The following CNTN4 variants were observed in gnomAD, a reference collection of about 807,000 sequenced individuals.
CNTN4 encodes contactin 4.
In CNTN4, 77 loss-of-function variants were observed where a neutral mutation model predicts 122.5. The observed-to-expected ratio is 0.63, with a 90% CI of 0.52 to 0.76. The LOEUF (loss-of-function observed/expected upper bound fraction) is 0.76. Ranked by LOEUF, CNTN4 falls within the 30% of genes least tolerant of loss-of-function variation. The pLI is 0.00. For synonymous variants in CNTN4, 512 were observed against 447.0 expected (o/e 1.15, Z -1.83); for missense variants, 1,256 against 1,259.1 (o/e 1.00, Z 0.04).
rs368010485 is a variant in CNTN4, at chr3:2,218,564, A to G, written c.-145+117925A>G. On this transcript the variant is annotated intron_variant, in intron 2 of 24. Coordinates refer to ENST00000418658, the MANE Select transcript of CNTN4 (RefSeq NM_175607.3). ...AAAATAAAAAAAAGTTTTTTGACAC[A>G]TAGCCAAGTCTAAACATGTAGAAAT... 1.2e-4 allele frequency among the ~76,000 whole-genome samples: 18 copies of G among 152,322 alleles called. No individual in the cohort carries two copies. The East Asian group carries it at 3.3e-3, about 28-fold the overall frequency.
chr3:2,941,353 C>G (rs2094613269), intron 13 of CNTN4, among the ~76,000 whole-genome samples: 1 of 152,094 alleles, frequency 6.6e-6, no homozygotes, highest in Non-Finnish European at 1.5e-5. Flanking sequence ...TACTGACAAC[C>G]CTGAAATGTG....
At chr3:2,896,748 G>T (rs2151095642) in intron 10 of CNTN4, among the ~76,000 whole-genome samples, 1 of 152,242 alleles carries the variant, frequency 6.6e-6, no homozygotes, top group East Asian at 1.9e-4. Context: ...ATGTATATAG[G>T]TGGTAAACTA....
intron 7 of CNTN4, among the ~76,000 whole-genome samples, chr3:2,839,413 C>CAA (rs376701943): frequency 1.5e-5 from 2 of 136,046 alleles, no homozygotes; most frequent in Non-Finnish European, 3.2e-5. Flanking sequence ...TTGCTTTTAC[C>CAA]AAAAAAAAAA....
intron 13 of CNTN4, among the ~76,000 whole-genome samples, chr3:2,931,967 C>T (rs991130384): frequency 2.4e-4 from 36 of 152,090 alleles, no homozygotes; most frequent in South Asian, 6.2e-4. Context: ...ACCTTATCAT[C>T]GATCTTCTCC....
At chr3:2,490,900 T>A (rs978978327) in intron 3 of CNTN4, among the ~76,000 whole-genome samples, 2 of 152,152 alleles carry the variant, frequency 1.3e-5, no homozygotes, top group Non-Finnish European at 2.9e-5. Flanking sequence ...AAGTACTATG[T>A]TTAGCGACCA....
chr3:2,720,966 C>CTTTTT (rs1394818917), intron 4 of CNTN4, among the ~76,000 whole-genome samples: 1 of 151,954 alleles, frequency 6.6e-6, no homozygotes, highest in Non-Finnish European at 1.5e-5. Context: ...TTAGCATATT[C>CTTTTT]TTTTTTTGTT....
At chr3:2,772,859 G>C (rs2091162450) in intron 6 of CNTN4, among the ~76,000 whole-genome samples, 1 of 152,162 alleles carries the variant, frequency 6.6e-6, no homozygotes, top group Non-Finnish European at 1.5e-5. Flanking sequence ...GTGTTTGAAG[G>C]GTAGGTGAAG....
At chr3:2,952,890 T>G (rs1418107687) in intron 13 of CNTN4, among the ~76,000 whole-genome samples, 2 of 152,188 alleles carry the variant, frequency 1.3e-5, no homozygotes, top group Non-Finnish European at 2.9e-5. Context: ...GAGGATTTGT[T>G]GAGTGAGTGC....
chr3:2,552,969 A>T (rs1479096715), intron 3 of CNTN4, among the ~76,000 whole-genome samples: 2 of 152,128 alleles, frequency 1.3e-5, no homozygotes, highest in African/African-American at 4.8e-5. Context: ...CACTGTGTGT[A>T]CTTGAGGACC....
intron 2 of CNTN4, among the ~76,000 whole-genome samples, chr3:2,195,436 C>G (rs1160144114): frequency 6.6e-6 from 1 of 152,120 alleles, no homozygotes; most frequent in Non-Finnish European, 1.5e-5. Context: ...GGATATATAA[C>G]CAGCGGTGGT....
chr3:3,023,655 G>A (rs1698479083), intron 14 of CNTN4, among the ~76,000 whole-genome samples: 1 of 152,136 alleles, frequency 6.6e-6, no homozygotes, highest in South Asian at 2.1e-4. Context: ...TGATGTGTAG[G>A]CTTAGAGCTA....
At chr3:2,164,332 G>A (rs907478825) in intron 2 of CNTN4, among the ~76,000 whole-genome samples, 9 of 152,014 alleles carry the variant, frequency 5.9e-5, no homozygotes, top group African/African-American at 1.7e-4. Context: ...GAGAAAATTC[G>A]CATAACTGTA....
chr3:2,528,206 G>A (rs2077471674), intron 3 of CNTN4, among the ~76,000 whole-genome samples: 1 of 152,118 alleles, frequency 6.6e-6, no homozygotes, highest in African/African-American at 2.4e-5. Flanking sequence ...TGATTGGACT[G>A]CCTCCTTTCC....
chr3:2,460,238 C>A (rs997810513), intron 3 of CNTN4, among the ~76,000 whole-genome samples: 1 of 152,106 alleles, frequency 6.6e-6, no homozygotes, highest in Admixed American at 6.6e-5. Flanking sequence ...CTAGCTCAAC[C>A]CTAACTTTGG....
chr3:3,014,788 T>C (rs1408155025), intron 14 of CNTN4, among the ~76,000 whole-genome samples: 2 of 151,960 alleles, frequency 1.3e-5, no homozygotes, highest in Non-Finnish European at 2.9e-5. Context: ...TTGTGTTCCC[T>C]GTACCTAATT....
chr3:2,150,175 G>C (rs1165371287), intron 2 of CNTN4, among the ~76,000 whole-genome samples: 1 of 152,104 alleles, frequency 6.6e-6, no homozygotes, highest in African/African-American at 2.4e-5. Context: ...ATATGCTCTA[G>C]AGCAAAGTTG....
intron 4 of CNTN4, among the ~76,000 whole-genome samples, chr3:2,639,899 C>G (rs1254758340): frequency 1.3e-5 from 2 of 152,138 alleles, no homozygotes; most frequent in African/African-American, 4.8e-5. Flanking sequence ...GCTTAAGGAA[C>G]AACTAAGCTA....
chr3:2,606,392 C>G (rs2081262452), intron 4 of CNTN4, among the ~76,000 whole-genome samples: 1 of 152,098 alleles, frequency 6.6e-6, no homozygotes. Context: ...GCATGCTCAG[C>G]TTAATACTCA....
At chr3:2,947,307 C>T (rs2094689430) in intron 13 of CNTN4, among the ~76,000 whole-genome samples, 1 of 152,160 alleles carries the variant, frequency 6.6e-6, no homozygotes, top group South Asian at 2.1e-4. Flanking sequence ...ACAAATTTTC[C>T]TGTGTACAGG....
Sources: gnomAD v4.1 joint callset for allele counts (sites outside exome capture counted in the v4.1 genomes callset) on GRCh38, gnomAD v4.1.1 for gene constraint, MANE v1.5 for transcripts, NCBI Gene and HGNC (gene_info 2026-07-23, HGNC 2026-07-21) for gene names.